PPM1H: variants seen among roughly 807,000 people sequenced by gnomAD.
PPM1H encodes protein phosphatase, Mg2+/Mn2+ dependent 1H.
PPM1H carries 27 observed loss-of-function variants against 54.9 expected under a neutral mutation model. The ratio of observed to expected loss-of-function variants is 0.49; its 90% CI spans 0.36 to 0.68. The LOEUF (loss-of-function observed/expected upper bound fraction) is 0.68. Ranked by LOEUF, PPM1H falls within the 30% of genes least tolerant of loss-of-function variation. The pLI, the probability that PPM1H is intolerant of heterozygous loss-of-function variation, is 0.00. For synonymous variants in PPM1H, 305 were observed against 270.8 expected, an observed-to-expected ratio of 1.13 and a Z score of -1.24; for missense variants, 596 against 667.8, an observed-to-expected ratio of 0.89 and a Z score of 1.19.
At chr12:62,907,332 T>C (rs1226206567) in intron 1 of PPM1H, among the ~76,000 whole-genome samples, 9 of 152,294 alleles carry the variant, frequency 5.9e-5, no homozygotes, top group Admixed American at 3.9e-4. Context: ...TGGATATTAT[T>C]ACCCTACTTT....
chr12:62,859,516 C>G (rs1869520197), intron 1 of PPM1H, among the ~76,000 whole-genome samples: 1 of 152,154 alleles, frequency 6.6e-6, no homozygotes, highest in Non-Finnish European at 1.5e-5. Flanking sequence ...AGAAAATGAT[C>G]CTTTCACATC....
At chr12:62,702,544 C>CAGAGAGAGAGAG (rs66497730) in intron 6 of PPM1H, among the ~76,000 whole-genome samples, 2,308 of 140,654 alleles carry the variant, frequency 0.016, 56 homozygotes, top group African/African-American at 0.048. Flanking sequence ...CCTTGAGCTA[C>CAGAGAGAGAGAG]AGAGAGAGAG....
chr12:62,933,772 G>A (rs1240155369), intron 1 of PPM1H, among the ~76,000 whole-genome samples: 2 of 152,062 alleles, frequency 1.3e-5, no homozygotes, highest in Non-Finnish European at 2.9e-5. Flanking sequence ...TAACTCAGTC[G>A]GTTCCTGAAA....
intron 6 of PPM1H, among the ~76,000 whole-genome samples, chr12:62,709,103 C>T (rs1278739606): frequency 6.7e-6 from 1 of 150,368 alleles, no homozygotes; most frequent in East Asian, 2.0e-4. Context: ...TCACTGCCCA[C>T]CACTGCTCTA....
At chr12:62,830,262 T>TTTAA (rs1488382135) in intron 2 of PPM1H, among the ~76,000 whole-genome samples, 3 of 152,174 alleles carry the variant, frequency 2.0e-5, no homozygotes, top group African/African-American at 7.2e-5. Flanking sequence ...TATTTATTTA[T>TTTAA]TTAATTTTTT....
At chr12:62,881,074 A>C (rs773242369) in intron 1 of PPM1H, among the ~76,000 whole-genome samples, 3 of 152,182 alleles carry the variant, frequency 2.0e-5, no homozygotes, top group Non-Finnish European at 4.4e-5. Flanking sequence ...AGAAGGCACA[A>C]AGTTGCCCTA....
intron 8 of PPM1H, among the ~76,000 whole-genome samples, chr12:62,679,757 C>T (rs1343645432): frequency 7.2e-5 from 11 of 152,166 alleles, no homozygotes; most frequent in African/African-American, 2.4e-4. Context: ...TTTCCGGCAA[C>T]AATCAGAACT....
At chr12:62,810,288 C>T (rs2076827131) in intron 2 of PPM1H, among the ~76,000 whole-genome samples, 1 of 152,138 alleles carries the variant, frequency 6.6e-6, no homozygotes, top group South Asian at 2.1e-4. Flanking sequence ...TTTATTTACC[C>T]AGGACTGTGT....
intron 1 of PPM1H, among the ~76,000 whole-genome samples, chr12:62,867,376 A>G (rs1869813278): frequency 6.6e-6 from 1 of 151,954 alleles, no homozygotes; most frequent in Admixed American, 6.6e-5. Flanking sequence ...TGTATCTTTA[A>G]ACTTTCCCCT....
intron 1 of PPM1H, among the ~76,000 whole-genome samples, chr12:62,852,350 T>C (rs150320224): frequency 6.6e-6 from 1 of 152,106 alleles, no homozygotes; most frequent in Non-Finnish European, 1.5e-5. Flanking sequence ...CTCTCTGGCT[T>C]TCTTTCCTAC....
At chr12:62,737,242 CAA>C (rs1311443837) in intron 5 of PPM1H, among the ~76,000 whole-genome samples, 32 of 139,548 alleles carry the variant, frequency 2.3e-4, no homozygotes, top group Non-Finnish European at 4.1e-4. Flanking sequence ...ACAAAAAAAA[CAA>C]AACCAGAGCA....
At position 62,645,664 on chromosome 12, in the gene PPM1H, A is replaced by G. The variant is rs1456607413; in HGVS notation, c.*2825T>C. On this transcript the variant is annotated 3_prime_UTR_variant, in exon 10 of 10. Transcript: ENST00000228705. Reference sequence around the variant, plus strand: ...ATAGTCTGAAGAGGCCCAGCCCAGCAAAGAGATTTAGAGCAGGAAAGCCTT... The same window carrying G: ...ATAGTCTGAAGAGGCCCAGCCCAGCGAAGAGATTTAGAGCAGGAAAGCCTT... 6.6e-6 allele frequency: 1 copy of G among 152,238 alleles called. No individual in the cohort carries two copies. The highest frequency in any genetic ancestry group is 2.4e-5 in the African/African-American group (1 of 41,454). 9.4% of individuals were successfully genotyped at this position (152,238 alleles called of 1,614,324 possible).
chr12:62,648,900 T>TTTGA (rs2075800948), intron 9 of PPM1H, among the ~76,000 whole-genome samples: 1 of 152,356 alleles, frequency 6.6e-6, no homozygotes, highest in East Asian at 1.9e-4. Context: ...TTTTGATGTT[T>TTTGA]TTGATTGATT....
At chr12:62,840,426 A>T (rs1043122909) in intron 1 of PPM1H, among the ~76,000 whole-genome samples, 2 of 152,174 alleles carry the variant, frequency 1.3e-5, no homozygotes, top group African/African-American at 4.8e-5. Context: ...GGATGCACAC[A>T]TTTAGTCCAT....
chr12:62,768,526 G>A (rs1313571513), intron 4 of PPM1H, among the ~76,000 whole-genome samples: 1 of 151,992 alleles, frequency 6.6e-6, no homozygotes, highest in African/African-American at 2.4e-5. Context: ...ATGGTGGCGG[G>A]CGCCTGTAAT....
At chr12:62,808,357 T>G (rs1441672338) in intron 2 of PPM1H, among the ~76,000 whole-genome samples, 1 of 151,696 alleles carries the variant, frequency 6.6e-6, no homozygotes, top group Non-Finnish European at 1.5e-5. Context: ...TCAACCTCTA[T>G]GCTAAGGTGA....
intron 2 of PPM1H, among the ~76,000 whole-genome samples, chr12:62,817,469 AAC>A (rs1491411652): frequency 6.1e-5 from 8 of 132,202 alleles, no homozygotes; most frequent in African/African-American, 2.0e-4. Context: ...CTCAAAAAAA[AAC>A]AAACAAACAA....
intron 5 of PPM1H, chr12:62,720,810 G>A (rs982903033): frequency 1.3e-5 from 2 of 154,406 alleles, no homozygotes; most frequent in African/African-American, 2.4e-5. Flanking sequence ...TCATTTGATC[G>A]TGTCATTCGA....
At chr12:62,793,740 C>CGAAAAAAAAAAAA in intron 3 of PPM1H, among the ~76,000 whole-genome samples, 1 of 61,200 alleles carries the variant, frequency 1.6e-5, no homozygotes, top group African/African-American at 5.7e-5. Flanking sequence ...AACTCCGTTT[C>CGAAAAAAAAAAAA]AAAAAAAAAA....
Sources: allele counts gnomAD v4.1 joint callset (sites outside exome capture counted in the v4.1 genomes callset), GRCh38; gene constraint gnomAD v4.1.1; transcripts MANE v1.5; gene names NCBI Gene and HGNC (gene_info 2026-07-23, HGNC 2026-07-21).